Variants in IBA57 observed in about 807,000 individuals in gnomAD.
IBA57 encodes iron-sulfur cluster assembly factor IBA57.
Under a neutral mutation model 20.4 loss-of-function variants are expected in IBA57, and 20 were observed. The observed-to-expected ratio is 0.98, with a 90% CI of 0.69 to 1.42. The LOEUF (loss-of-function observed/expected upper bound fraction) is 1.42. Among genes scored for constraint, IBA57 ranks in the 40% most tolerant of loss-of-function variants. The pLI is 0.00. For synonymous variants in IBA57, 310 were observed against 233.9 expected, an observed-to-expected ratio of 1.33 and a Z score of -2.97; for missense variants, 608 against 499.3, an observed-to-expected ratio of 1.22 and a Z score of -2.07.
In IBA57 at chr1:228,174,695, C is replaced by T; in HGVS notation, c.345C>T (p.Leu115=). 6.4e-7 allele frequency: 1 copy of T among 1,558,690 alleles called. No homozygotes were observed. The highest frequency in any genetic ancestry group is 8.7e-7 in the Non-Finnish European group (1 of 1,154,438). ...GCCCCTGCCTCTCTCCCTGCAGGCT[C>T]CAGGAACACTCGGAGGTGTCTGGCT... ...RTLYDVILYG[L]QEHSEVSGFL... Residue 115 remains leucine (L), a synonymous_variant, in exon 2 of 3, where the codon CTC becomes CTT. Coordinates refer to ENST00000366711, the MANE Select transcript of IBA57 (RefSeq NM_001010867.4).
rs2035117380 is a variant in IBA57 at position 228,181,913 on chromosome 1, GCCAACCCTGGGGCAGGGAGC to G, written c.*6405_*6424del. ...GGAGACCCAGGGCAGTGCTCCACGT[GCCAACCCTGGGGCAGGGAGC>G]CCAAGCTAGGACTGTGACTGTCTGG... is the stretch of plus-strand genomic sequence containing the variant. On this transcript the variant is annotated 3_prime_UTR_variant, in exon 3 of 3. Transcript: ENST00000366711. 6.6e-6 allele frequency: 1 copy of G among 152,252 alleles called. No individual in the cohort carries two copies. Among genetic ancestry groups the G allele is most frequent in the African/African-American group, 2.4e-5 (1 of 41,444 alleles). 9.4% of individuals were successfully genotyped at this position (152,252 alleles called of 1,614,324 possible).
chr1:228,175,079 C>G, intron 2 of IBA57, 43 bp from the exon 3 acceptor site: 2 of 1,586,802 alleles, frequency 1.3e-6, no homozygotes, highest in East Asian at 2.2e-5. Flanking sequence ...TGGAGCTGGA[C>G]GATGTTCAAT....
chr1:228,168,627 T>C (rs772593297), intron 1 of IBA57, among the ~76,000 whole-genome samples: 53 of 152,140 alleles, frequency 3.5e-4, no homozygotes, highest in Non-Finnish European at 7.4e-4. Flanking sequence ...GGGGTCTCTG[T>C]CCTCGAGGTC....
In IBA57 at chr1:228,166,007, C is replaced by A; in HGVS notation, c.191C>A (p.Pro64His). Residue 64 changes from proline (P) to histidine (H), a missense_variant, in exon 1 of 3, where the codon CCC becomes CAC. Coordinates refer to ENST00000366711, the MANE Select transcript of IBA57 (RefSeq NM_001010867.4). Reference sequence around the variant, plus strand: ...CGCACCCTGCTGCGCGTGCGTGGCCCCGACGCGGCGCCCTTCCTGCTAGGG... The same window carrying A: ...CGCACCCTGCTGCGCGTGCGTGGCCACGACGCGGCGCCCTTCCTGCTAGGG... ...DGRTLLRVRG[P>H]DAAPFLLGLL... 1 of 1,531,050 alleles carries A rather than the reference C, an allele frequency of 6.5e-7. No homozygotes were observed. The highest frequency in any genetic ancestry group is 2.5e-5 in the East Asian group (1 of 39,918). 94.8% of individuals were successfully genotyped at this position (1,531,050 alleles called of 1,614,324 possible).
Position 228,175,453 on chromosome 1 carries a change from G to T in IBA57, c.1011G>T (p.Glu337Asp), listed in dbSNP as rs1048601968. Residue 337 changes from glutamate (E) to aspartate (D), a missense_variant, in exon 3 of 3, where the codon GAG becomes GAT. Glu to Asp is a conservative substitution (Grantham distance 45). Coordinates refer to ENST00000366711, the MANE Select transcript of IBA57 (RefSeq NM_001010867.4). ...GTCCTCTGCACATCAGAGCCTCTGA[G>T]GGTGCCCAGGTGGCCTTAGCCGCAT... Reference protein sequence around the residue: ...IKGPLHIRASEGAQVALAASV... With the variant: ...IKGPLHIRASDGAQVALAASV... 1 of 1,606,818 alleles carries T rather than the reference G, an allele frequency of 6.2e-7. No homozygotes were observed. The highest frequency in any genetic ancestry group is 1.7e-4 in the Middle Eastern group (1 of 6,020).
chr1:228,174,764 G>T lies in IBA57; in HGVS notation c.414G>T (p.Lys138Asn). ...GCTCGGTGCAGGGCGCGCTGCAGAA[G>T]CACCTCGCGCTATACAGGATCCGGC... ...CDSSVQGALQ[K>N]HLALYRIRRK... Residue 138 changes from lysine to asparagine, a missense_variant, in exon 2 of 3, where the codon AAG becomes AAT. Transcript: ENST00000366711. 6.2e-7 allele frequency: 1 copy of T among 1,609,486 alleles called. No individual in the cohort carries two copies.
rs375942905 is a variant in IBA57 at position 228,175,108 on chromosome 1, T to G, written c.680-14T>G. 514 of 1,606,678 alleles carry G rather than the reference T, an allele frequency of 3.2e-4. 2 individuals are homozygous for G. The Middle Eastern group carries it at 3.8e-3, about 12-fold the overall frequency. On this transcript the variant is annotated splice_polypyrimidine_tract_variant and intron_variant, in intron 2 of 2. Transcript: ENST00000366711. Reference sequence around the variant, plus strand: ...GTTCAATTCTCGCTGGTTTCCCCCCTCCAATCCCTGCAGGCGTTCCTGAGG... The same window carrying G: ...GTTCAATTCTCGCTGGTTTCCCCCCGCCAATCCCTGCAGGCGTTCCTGAGG...
At chr1:228,168,544 A>G (rs1009339442) in intron 1 of IBA57, among the ~76,000 whole-genome samples, 1 of 151,946 alleles carries the variant, frequency 6.6e-6, no homozygotes, top group Non-Finnish European at 1.5e-5. Context: ...CTGCAGACCT[A>G]CTGGGCCCCA....
rs1237634983 is a variant in IBA57 at position 228,180,764 on chromosome 1, A to G, written c.*5251A>G. Reference sequence around the variant, plus strand: ...TGGGCTCAGATGATTCTCCTGCCTCAGCCTCCTGAGTAGCAGGAACTACAG... The same window carrying G: ...TGGGCTCAGATGATTCTCCTGCCTCGGCCTCCTGAGTAGCAGGAACTACAG... On this transcript the variant is annotated 3_prime_UTR_variant, in exon 3 of 3. Coordinates refer to ENST00000366711, the MANE Select transcript of IBA57 (RefSeq NM_001010867.4). 1.3e-5 allele frequency: 2 copies of G among 151,504 alleles called. No homozygotes were observed. The highest frequency in any genetic ancestry group is 3.9e-4 in the East Asian group (2 of 5,168). The allele number at this position is 151,504 out of a possible 1,614,324, so 9.4% of individuals were successfully genotyped here. A position where few individuals can be genotyped will look rare whatever the true frequency, so the allele number is the denominator to read the frequency against.
chr1:228,167,355 C>CTTT (rs56835417), intron 1 of IBA57, among the ~76,000 whole-genome samples: 18 of 123,608 alleles, frequency 1.5e-4, no homozygotes, highest in African/African-American at 5.3e-4. Context: ...TCTGGGGCTT[C>CTTT]TTTTTTTTTT....
In IBA57 at chr1:228,175,350, C is replaced by T. The variant is rs2034998400; in HGVS notation, c.908C>T (p.Ser303Leu). ...CCTGGTGCCACGGTGCTGACTGCCT[C>T]AGGACAGACTGTGGGCAAGTTCAGG... The part of the protein sequence containing the change: ...ITPGATVLTA[S>L]GQTVGKFRAG... The change falls in exon 3 of 3, where the codon TCA becomes TTA. Residue 303 changes from serine (S) to leucine (L), a missense_variant. Physicochemically the swap from Ser to Leu is moderately radical, Grantham distance 145. Coordinates refer to ENST00000366711, the MANE Select transcript of IBA57 (RefSeq NM_001010867.4). 6.2e-7 allele frequency: 1 copy of T among 1,613,034 alleles called. No homozygotes were observed. The highest frequency in any genetic ancestry group is 2.2e-5 in the East Asian group (1 of 44,882).
In IBA57 at chr1:228,165,976, G is replaced by A. The variant is rs2034844027; in HGVS notation, c.160G>A (p.Asp54Asn). 6.6e-7 allele frequency: 1 copy of A among 1,518,066 alleles called. No individual in the cohort carries two copies. Among genetic ancestry groups the A allele is most frequent in the African/African-American group, 1.4e-5 (1 of 70,210 alleles). The allele number at this position is 1,518,066 out of a possible 1,614,324, so 94.0% of individuals were successfully genotyped here. A position where few individuals can be genotyped will look rare whatever the true frequency, so the allele number is the denominator to read the frequency against. ...AGCGGCCTGGGCCTGCTTCCGGCTG[G>A]ACGGGCGCACCCTGCTGCGCGTGCG... Reference protein sequence around the residue: ...AGAAWACFRLDGRTLLRVRGP... With the variant: ...AGAAWACFRLNGRTLLRVRGP... The change falls in exon 1 of 3, where the codon GAC becomes AAC. Residue 54 changes from aspartate to asparagine, a missense_variant. Physicochemically the swap from Asp to Asn is conservative, Grantham distance 23 (BLOSUM62 1). Transcript: ENST00000366711.
Position 228,174,828 on chromosome 1 carries a change from T to TGG in IBA57, c.480_481dup (p.Ala161GlyfsTer91), listed in dbSNP as rs1275216867. 1.2e-6 allele frequency: 2 copies of TGG among 1,610,408 alleles called. No homozygotes were observed. The highest frequency in any genetic ancestry group is 1.7e-6 in the Non-Finnish European group (2 of 1,179,200). On this transcript the variant is annotated frameshift_variant, in exon 2 of 3. Transcript: ENST00000366711. LOFTEE classifies it high-confidence loss of function. Reference sequence around the variant, plus strand: ...GGAGCCGCACCCGGAGCTGCGAGTGTGGGCGGTGTTGCCCAGTTCCCCTGA... The same window carrying TGG: ...GGAGCCGCACCCGGAGCTGCGAGTGTGGGGGCGGTGTTGCCCAGTTCCCCTGA...
At chr1:228,171,649 A>G (rs2034929298) in intron 1 of IBA57, 1 of 153,938 alleles carries the variant, frequency 6.5e-6, no homozygotes, top group African/African-American at 2.4e-5. Flanking sequence ...TGATGGACCC[A>G]TGGGGCACCC....
chr1:228,175,740 G>C lies in IBA57; in HGVS notation c.*227G>C. ...CTGGACTTCCTGTGGCCCCAGAGGA[G>C]CCCACCGTGTGAGTGCTGGGCTCCA... On this transcript the variant is annotated 3_prime_UTR_variant, in exon 3 of 3. Coordinates refer to ENST00000366711, the MANE Select transcript of IBA57 (RefSeq NM_001010867.4). 1 of 486,210 alleles carries C rather than the reference G, an allele frequency of 2.1e-6. No homozygotes were observed. The highest frequency in any genetic ancestry group is 3.6e-6 in the Non-Finnish European group (1 of 279,246). The allele number at this position is 486,210 out of a possible 1,614,324, so 30.1% of individuals were successfully genotyped here.
chr1:228,173,544 T>G (rs2034956463), intron 1 of IBA57: 1 of 152,470 alleles, frequency 6.6e-6, no homozygotes, highest in East Asian at 1.9e-4. Flanking sequence ...GGGCCCCGAT[T>G]GGGTTCTGAG....
rs2034844528 is a variant in IBA57, at chr1:228,165,992, T to G, written c.176T>G (p.Leu59Arg). 1 of 1,526,356 alleles carries G rather than the reference T, an allele frequency of 6.6e-7. No homozygotes were observed. The highest frequency in any genetic ancestry group is 8.7e-7 in the Non-Finnish European group (1 of 1,144,264). 94.6% of individuals were successfully genotyped at this position (1,526,356 alleles called of 1,614,324 possible). ...TTCCGGCTGGACGGGCGCACCCTGC[T>G]GCGCGTGCGTGGCCCCGACGCGGCG... ...ACFRLDGRTL[L>R]RVRGPDAAPF... is the part of the protein sequence containing the mutation. Residue 59 changes from leucine (L) to arginine (R), a missense_variant, in exon 1 of 3, where the codon CTG becomes CGG. Transcript: ENST00000366711.
chr1:228,170,760 C>G lies in IBA57; in HGVS notation c.342-3932C>G, dbSNP rs1456342546. ...CAGGGCTCAGCAGGCCCAAGAGTGT[C>G]AGGGCTGTGGCCTTGTGTCTGGCCA... On this transcript the variant is annotated intron_variant, in intron 1 of 2. Coordinates refer to ENST00000366711, the MANE Select transcript of IBA57 (RefSeq NM_001010867.4). This position sits in a 1 kb window ranked among gnomAD's most constrained non-coding sequence, Gnocchi z 4.8. Among the ~76,000 whole-genome samples the G allele has an allele frequency of 6.6e-6, 1 of 152,166 alleles. No homozygotes were observed. Among genetic ancestry groups the G allele is most frequent in the Non-Finnish European group, 1.5e-5 (1 of 68,030 alleles).
At chr1:228,168,508 C>G (rs1018799618) in intron 1 of IBA57, among the ~76,000 whole-genome samples, 3 of 152,094 alleles carry the variant, frequency 2.0e-5, no homozygotes, top group Admixed American at 6.6e-5. Context: ...TCCTCTTCAT[C>G]CTTTCTTGCC....
Sources: allele counts gnomAD v4.1 joint callset (sites outside exome capture counted in the v4.1 genomes callset), GRCh38; gene constraint gnomAD v4.1.1; non-coding constraint Gnocchi (gnomAD v3.1); transcripts MANE v1.5; gene names NCBI Gene and HGNC (gene_info 2026-07-23, HGNC 2026-07-21).